The following TCP11 variants were observed in gnomAD, a reference collection of about 807,000 sequenced individuals.
The protein encoded by TCP11 is T-complex protein 11 homolog.
In TCP11, 34 loss-of-function variants were observed where a neutral mutation model predicts 45.0. That is an observed-to-expected ratio of 0.76 (90% CI 0.57 to 1.01). TCP11 has a LOEUF of 1.01. TCP11 is among the 50% of genes least tolerant of loss of function. The probability of loss-of-function intolerance (pLI) is 0.00; values close to 1 mark genes in which losing one functional copy is unlikely to be tolerated. For missense variants in TCP11, 523 were observed against 598.1 expected, an observed-to-expected ratio of 0.87 and a Z score of 1.31; for synonymous variants, 227 against 227.0, an observed-to-expected ratio of 1.00 and a Z score of 0.00.
In TCP11 at chr6:35,136,223, T is replaced by C. The variant is rs752436179; in HGVS notation, c.125-5A>G. ...TCAGACCTGTGACAGAAAGAACTGA[T>C]GGTGGACAACAATGAGCCCATGCAA... On this transcript the variant is annotated splice_polypyrimidine_tract_variant and splice_region_variant and intron_variant, in intron 2 of 9. Transcript: ENST00000311875. 1.4e-5 allele frequency: 23 copies of C among 1,610,346 alleles called. No homozygotes were observed. Among genetic ancestry groups the C allele is most frequent in the South Asian group, 6.6e-5 (6 of 90,790 alleles).
intron 4 of TCP11, among the ~76,000 whole-genome samples, chr6:35,127,894 A>T (rs1334119217): frequency 2.6e-5 from 4 of 152,226 alleles, no homozygotes; most frequent in African/African-American, 9.6e-5. Context: ...ATTTATCAAT[A>T]TATTGCCTCA....
At chr6:35,136,388 A>G (rs894116103) in intron 2 of TCP11, among the ~76,000 whole-genome samples, 170 bp from the exon 3 acceptor site, 1 of 151,834 alleles carries the variant, frequency 6.6e-6, no homozygotes, top group Non-Finnish European at 1.5e-5. Flanking sequence ...CGACAGTGCT[A>G]GAAACTTTCA....
chr6:35,128,850 C>G (rs1367456031), intron 4 of TCP11: 4 of 567,640 alleles, frequency 7.0e-6, no homozygotes, highest in Non-Finnish European at 1.2e-5. Context: ...GTTTTCCTTA[C>G]TCTTACTAGC....
chr6:35,123,044 G>A (rs1045936697), intron 4 of TCP11, among the ~76,000 whole-genome samples: 2 of 152,130 alleles, frequency 1.3e-5, no homozygotes, highest in African/African-American at 4.8e-5. Flanking sequence ...AAACGGAGCT[G>A]GGCCCTTGAA....
At chr6:35,123,003 C>A (rs991621092) in intron 4 of TCP11, among the ~76,000 whole-genome samples, 5 of 152,202 alleles carry the variant, frequency 3.3e-5, no homozygotes, top group African/African-American at 1.2e-4. Context: ...CCTCTCAGCT[C>A]CAAATCTACC....
intron 2 of TCP11, among the ~76,000 whole-genome samples, chr6:35,136,508 A>G (rs953371615): frequency 1.4e-5 from 2 of 146,908 alleles, no homozygotes; most frequent in African/African-American, 2.5e-5. Flanking sequence ...AATCGTATTT[A>G]TAGCAGCAAA....
At position 35,136,157 on chromosome 6, in the gene TCP11, A is replaced by G; in HGVS notation, c.186T>C (p.Ile62=). ...VNEVSKLSNK[I]GMNCDYYMEE... ...CCATGTAGTAATCACAATTCATCCCAATCTTGTTGCTCAGCTTGGAAACTT... is the reference window on the plus strand; with the variant it reads ...CCATGTAGTAATCACAATTCATCCCGATCTTGTTGCTCAGCTTGGAAACTT... The change falls in exon 3 of 10, where the codon ATT becomes ATC. Residue 62 remains isoleucine (I), a synonymous_variant. Transcript: ENST00000311875. 1.2e-6 allele frequency: 2 copies of G among 1,613,788 alleles called. No homozygotes were observed. Among genetic ancestry groups the G allele is most frequent in the Non-Finnish European group, 1.7e-6 (2 of 1,179,828 alleles).
Position 35,120,734 on chromosome 6 carries a change from G to T in TCP11, c.716-88C>A. The T allele has an allele frequency of 7.0e-7, 1 of 1,428,162 alleles. No individual in the cohort carries two copies. The highest frequency in any genetic ancestry group is 9.5e-7 in the Non-Finnish European group (1 of 1,047,870). The allele number at this position is 1,428,162 out of a possible 1,614,324, so 88.5% of individuals were successfully genotyped here. A position where few individuals can be genotyped will look rare whatever the true frequency, so the allele number is the denominator to read the frequency against. ...AAGGTTCTTTTCAAGTATACTCCTG[G>T]TCAATAAATAAATGCTTTGAGGGTC... On this transcript the variant is annotated intron_variant, in intron 6 of 9. Coordinates refer to ENST00000311875, the MANE Select transcript of TCP11 (RefSeq NM_001370687.1). The surrounding 1 kb of genome is among the most constrained non-coding windows in gnomAD (Gnocchi z 4.9).
In TCP11 at chr6:35,118,284, T is replaced by G; in HGVS notation, c.1497A>C (p.Lys499Asn). Reference protein sequence around the residue: ...LISPAQALETKVESV With the variant: ...LISPAQALETNVESV ...GCCGACGCTATCAAACAGACTCCAC[T>G]TTTGTTTCCAGTGCCTGGGCTGGGG... Residue 499 changes from lysine to asparagine, a missense_variant, in exon 10 of 10, where the codon AAA becomes AAC. Physicochemically the swap from Lys to Asn is moderately conservative, Grantham distance 94. This residue lies in a region of TCP11 where 298 missense variants were observed against 387.9 expected (regional missense o/e 0.77). Transcript: ENST00000311875. The G allele has an allele frequency of 6.2e-7, 1 of 1,614,114 alleles. No individual in the cohort carries two copies. The highest frequency in any genetic ancestry group is 1.1e-5 in the South Asian group (1 of 91,076).
chr6:35,136,683 G>A (rs974466047), intron 2 of TCP11, among the ~76,000 whole-genome samples: 1 of 62,286 alleles, frequency 1.6e-5, no homozygotes, highest in Admixed American at 2.0e-4. Flanking sequence ...CTTCTAAAGC[G>A]GTAGTTCTCA....
chr6:35,132,893 TGA>T (rs1232660008), intron 3 of TCP11, among the ~76,000 whole-genome samples: 1 of 152,066 alleles, frequency 6.6e-6, no homozygotes, highest in Non-Finnish European at 1.5e-5. Context: ...CTCTAAACAG[TGA>T]GAGAGAAGCT....
intron 4 of TCP11, among the ~76,000 whole-genome samples, chr6:35,127,688 A>ACAAT (rs1779984461): frequency 6.6e-6 from 1 of 152,242 alleles, no homozygotes; most frequent in South Asian, 2.1e-4. Flanking sequence ...TTTAGGTAAC[A>ACAAT]CAATAGTCAG....
At chr6:35,139,945 T>C (rs1781527083) in intron 2 of TCP11, 1 of 1,449,184 alleles carries the variant, frequency 6.9e-7, no homozygotes, top group Non-Finnish European at 9.5e-7. Flanking sequence ...AGAGTTGTTT[T>C]ATATATGGAC....
intron 3 of TCP11, among the ~76,000 whole-genome samples, chr6:35,133,385 G>T (rs1269560549): frequency 2.0e-5 from 3 of 151,992 alleles, no homozygotes; most frequent in African/African-American, 7.2e-5. Flanking sequence ...GTCTCACTAT[G>T]TTGCCCAGGT....
At chr6:35,129,769 G>A (rs1351381842) in intron 3 of TCP11, among the ~76,000 whole-genome samples, 1 of 151,868 alleles carries the variant, frequency 6.6e-6, no homozygotes, top group Admixed American at 6.6e-5. Flanking sequence ...AGGAGCAAAG[G>A]AAATTTGTTT....
At chr6:35,140,920 G>T in intron 1 of TCP11, 36 bp from the exon 2 acceptor site, 1 of 1,527,406 alleles carries the variant, frequency 6.5e-7, no homozygotes, top group South Asian at 1.3e-5. Context: ...TTGGCGTCGG[G>T]GAAGGGGCCT....
Position 35,120,081 on chromosome 6 carries a change from A to G in TCP11, c.1115+78T>C. 1 of 1,524,202 alleles carries G rather than the reference A, an allele frequency of 6.6e-7. No homozygotes were observed. Among genetic ancestry groups the G allele is most frequent in the African/African-American group, 1.4e-5 (1 of 72,968 alleles). The allele number at this position is 1,524,202 out of a possible 1,614,324, so 94.4% of individuals were successfully genotyped here. A position where few individuals can be genotyped will look rare whatever the true frequency, so the allele number is the denominator to read the frequency against. On this transcript the variant is annotated intron_variant, in intron 8 of 9. Transcript: ENST00000311875. This position sits in a 1 kb window ranked among gnomAD's most constrained non-coding sequence, Gnocchi z 4.9. ...CTTTCTGTGGTTTGTGGTAGACAGT[A>G]AGCAATCGTTCATTACCTGCCTATG...
In TCP11 at chr6:35,120,672, G is replaced by A; in HGVS notation, c.716-26C>T. 6.3e-7 allele frequency: 1 copy of A among 1,587,864 alleles called. No individual in the cohort carries two copies. Among genetic ancestry groups the A allele is most frequent in the Non-Finnish European group, 8.6e-7 (1 of 1,164,008 alleles). ...CTATGACAGGTAAGGGAGTGTGTAA[G>A]CATCTTTAGCATCTTCATCTCTGAG... On this transcript the variant is annotated intron_variant, in intron 6 of 9. Transcript: ENST00000311875. The surrounding 1 kb of genome is among the most constrained non-coding windows in gnomAD (Gnocchi z 4.9).
rs751354359 is a variant in TCP11, at chr6:35,120,693, C to G, written c.716-47G>C. ...GTAAGCATCTTTAGCATCTTCATCT[C>G]TGAGGCTTCAAGACCAAGGTTCTTT... On this transcript the variant is annotated intron_variant, in intron 6 of 9. Coordinates refer to ENST00000311875, the MANE Select transcript of TCP11 (RefSeq NM_001370687.1). This position sits in a 1 kb window ranked among gnomAD's most constrained non-coding sequence, Gnocchi z 4.9. 2 of 1,563,010 alleles carry G rather than the reference C, an allele frequency of 1.3e-6. No homozygotes were observed. Among genetic ancestry groups the G allele is most frequent in the Admixed American group, 1.8e-5 (1 of 55,306 alleles).
Sources: gnomAD v4.1 joint callset for allele counts (sites outside exome capture counted in the v4.1 genomes callset) on GRCh38, gnomAD v4.1.1 for gene constraint, gnomAD v4.1.1 regional missense constraint, Gnocchi (gnomAD v3.1) non-coding constraint, MANE v1.5 for transcripts, NCBI Gene and HGNC (gene_info 2026-07-23, HGNC 2026-07-21) for gene names.